The following PI4KA variants were observed in gnomAD, a reference collection of about 807,000 sequenced individuals.
PI4KA encodes PI4-kinase alpha.
Under a neutral mutation model 271.4 loss-of-function variants are expected in PI4KA, and 122 were observed. The ratio of observed to expected loss-of-function variants is 0.45; its 90% CI spans 0.39 to 0.52. The LOEUF is 0.52. Ranked by LOEUF, PI4KA falls within the 20% of genes least tolerant of loss-of-function variation. The pLI is 0.00. For synonymous variants in PI4KA, 1,041 were observed against 1,078.8 expected, an observed-to-expected ratio of 0.96 and a Z score of 0.69; for missense variants, 1,969 against 2,769.1, an observed-to-expected ratio of 0.71 and a Z score of 6.48.
chr22:20,708,161 C>T (rs1368684612), intron 54 of PI4KA, 63 bp from the exon 55 acceptor site: 39 of 1,319,278 alleles, frequency 3.0e-5, no homozygotes, highest in East Asian at 2.1e-4. Flanking sequence ...GGTCCCTCCC[C>T]ACAGGGAGCC....
chr22:20,803,262 A>G lies in PI4KA; in HGVS notation c.1520T>C (p.Leu507Ser). Residue 507 changes from leucine (L) to serine (S), a missense_variant, in exon 13 of 55, where the codon TTG becomes TCG. This residue lies in a region of PI4KA where 228 missense variants were observed against 261.6 expected (regional missense o/e 0.87). Coordinates refer to ENST00000255882, the MANE Select transcript of PI4KA (RefSeq NM_058004.4). ...GGACGGGATGACCAGGAAGTCTCGCAAGGACGGTGTCACAGAGTGCACCAC... is the reference window on the plus strand; with the variant it reads ...GGACGGGATGACCAGGAAGTCTCGCGAGGACGGTGTCACAGAGTGCACCAC... ...PVVVHSVTPS[L>S]RDFLVIPSPV... The G allele has an allele frequency of 6.2e-7, 1 of 1,614,146 alleles. No individual in the cohort carries two copies. Among genetic ancestry groups the G allele is most frequent in the Non-Finnish European group, 8.5e-7 (1 of 1,179,996 alleles).
intron 42 of PI4KA, among the ~76,000 whole-genome samples, chr22:20,723,064 T>C (rs1229845934): frequency 1.3e-5 from 2 of 151,692 alleles, no homozygotes; most frequent in Non-Finnish European, 2.9e-5. Context: ...AGTCTCGCTC[T>C]GTCTCCCAGG....
chr22:20,753,300 G>C (rs1450939873), intron 23 of PI4KA, 120 bp from the exon 24 acceptor site: 1 of 884,764 alleles, frequency 1.1e-6, no homozygotes, highest in Non-Finnish European at 1.8e-6. Context: ...ACAGCACAGA[G>C]CTCCCATATA....
In PI4KA at chr22:20,831,580, A is replaced by C. The variant is rs148596224; in HGVS notation, c.367+2982T>G. Reference sequence around the variant, plus strand: ...GAGACTCTTTCTCAAAACACAAACAAAAACAAAAACAAAAACAAAAACAAA... The same window carrying C: ...GAGACTCTTTCTCAAAACACAAACACAAACAAAAACAAAAACAAAAACAAA... On this transcript the variant is annotated intron_variant, in intron 3 of 54. Coordinates refer to ENST00000255882, the MANE Select transcript of PI4KA (RefSeq NM_058004.4). Among the ~76,000 whole-genome samples, 639 of 104,138 alleles carry C rather than the reference A, an allele frequency of 6.1e-3. 6 individuals carry two copies. The highest frequency in any genetic ancestry group is 0.015 in the Middle Eastern group (3 of 204). 68.3% of individuals were successfully genotyped at this position (104,138 alleles called of 152,430 possible). A position where few individuals can be genotyped will look rare whatever the true frequency, so the allele number is the denominator to read the frequency against.
chr22:20,830,494 T>C lies in PI4KA; in HGVS notation c.367+4068A>G, dbSNP rs570070026. 3.9e-5 allele frequency among the ~76,000 whole-genome samples: 6 copies of C among 152,316 alleles called. No individual in the cohort carries two copies. The East Asian group carries it at 9.6e-4, about 24-fold the overall frequency. Reference sequence around the variant, plus strand: ...GCTCTTTTTTCCATTTTCCATTTGCTTGGCAGATTTTTTTCATCCTTTTAC... The same window carrying C: ...GCTCTTTTTTCCATTTTCCATTTGCCTGGCAGATTTTTTTCATCCTTTTAC... On this transcript the variant is annotated intron_variant, in intron 3 of 54. Coordinates refer to ENST00000255882, the MANE Select transcript of PI4KA (RefSeq NM_058004.4).
At chr22:20,715,947 G>A (rs533395937) in intron 45 of PI4KA, among the ~76,000 whole-genome samples, 1 of 152,314 alleles carries the variant, frequency 6.6e-6, no homozygotes, top group East Asian at 1.9e-4. Context: ...CTGGAGTGCA[G>A]TGGTGCAATC....
chr22:20,816,399 G>A (rs1921813572), intron 7 of PI4KA, among the ~76,000 whole-genome samples: 1 of 152,138 alleles, frequency 6.6e-6, no homozygotes, highest in East Asian at 1.9e-4. Context: ...AAGGTGCTGT[G>A]ATTACAGGCG....
chr22:20,784,544 A>C (rs768597374), intron 19 of PI4KA, among the ~76,000 whole-genome samples: 3 of 152,182 alleles, frequency 2.0e-5, no homozygotes, highest in Admixed American at 6.5e-5. Context: ...CATCATCCCT[A>C]AAATGGGTAT....
intron 19 of PI4KA, among the ~76,000 whole-genome samples, chr22:20,780,687 A>G (rs1034195914): frequency 4.0e-5 from 6 of 150,582 alleles, no homozygotes; most frequent in Non-Finnish European, 8.9e-5. Context: ...GAGGCAGGAG[A>G]ATCACTTGAA....
intron 9 of PI4KA, among the ~76,000 whole-genome samples, chr22:20,808,453 C>T (rs535309194): frequency 6.7e-6 from 1 of 148,862 alleles, no homozygotes; most frequent in Admixed American, 6.8e-5. Flanking sequence ...ATTAGCCGGG[C>T]GTGGTGGCGT....
intron 1 of PI4KA, among the ~76,000 whole-genome samples, chr22:20,843,172 TA>T (rs1258148005): frequency 6.6e-6 from 1 of 151,858 alleles, no homozygotes; most frequent in Admixed American, 6.6e-5. Flanking sequence ...ATATTTTCTA[TA>T]AAAAATATTG....
At chr22:20,767,535 C>T (rs1431992284) in intron 19 of PI4KA, among the ~76,000 whole-genome samples, 1 of 151,900 alleles carries the variant, frequency 6.6e-6, no homozygotes, top group Admixed American at 6.6e-5. Context: ...ATCATCACTG[C>T]AGCACTGACC....
intron 19 of PI4KA, among the ~76,000 whole-genome samples, chr22:20,766,106 T>C (rs1219260015): frequency 6.6e-6 from 1 of 152,150 alleles, no homozygotes; most frequent in Non-Finnish European, 1.5e-5. Context: ...AGCCTGGCAC[T>C]GTGGAGGGTA....
intron 19 of PI4KA, among the ~76,000 whole-genome samples, chr22:20,778,260 G>C (rs1002304670): frequency 2.6e-5 from 4 of 152,072 alleles, no homozygotes; most frequent in African/African-American, 4.8e-5. Context: ...CAGCACTTTG[G>C]GGGGCTGAGG....
intron 30 of PI4KA, among the ~76,000 whole-genome samples, chr22:20,743,296 C>T (rs1025558295): frequency 1.3e-5 from 2 of 152,070 alleles, no homozygotes; most frequent in African/African-American, 4.8e-5. Context: ...AGGCATGCGC[C>T]ACCACGCCTG....
chr22:20,721,912 G>A (rs1397994219), intron 42 of PI4KA: 1 of 162,068 alleles, frequency 6.2e-6, no homozygotes, highest in Non-Finnish European at 1.4e-5. Flanking sequence ...CTCAGGTGTT[G>A]AGGAAGAGAC....
chr22:20,810,826 TG>T (rs1210746303), intron 9 of PI4KA, 140 bp downstream of exon 9: 7 of 711,564 alleles, frequency 9.8e-6, no homozygotes, highest in Non-Finnish European at 1.8e-5. Context: ...CCGCGGCAGG[TG>T]GATTGTTACC....
chr22:20,747,712 G>A lies in PI4KA; in HGVS notation c.3244-10C>T. Reference sequence around the variant, plus strand: ...GTTTGTTCAGATATTCCTGAAATAGGAAAAACACATGGGGTTTCAGTTATT... The same window carrying A: ...GTTTGTTCAGATATTCCTGAAATAGAAAAAACACATGGGGTTTCAGTTATT... On this transcript the variant is annotated splice_polypyrimidine_tract_variant and intron_variant, in intron 28 of 54. Coordinates refer to ENST00000255882, the MANE Select transcript of PI4KA (RefSeq NM_058004.4). 1 of 1,611,426 alleles carries A rather than the reference G, an allele frequency of 6.2e-7. No individual in the cohort carries two copies. Among genetic ancestry groups the A allele is most frequent in the Non-Finnish European group, 8.5e-7 (1 of 1,178,114 alleles).
At chr22:20,746,221 C>T (rs1016106768) in intron 29 of PI4KA, among the ~76,000 whole-genome samples, 1 of 151,826 alleles carries the variant, frequency 6.6e-6, no homozygotes, top group Admixed American at 6.6e-5. Flanking sequence ...TGCCACCATG[C>T]CCGGCTAATT....
Sources: gnomAD v4.1 joint callset for allele counts (sites outside exome capture counted in the v4.1 genomes callset) on GRCh38, gnomAD v4.1.1 for gene constraint, gnomAD v4.1.1 regional missense constraint, MANE v1.5 for transcripts, NCBI Gene and HGNC (gene_info 2026-07-23, HGNC 2026-07-21) for gene names.